Variants in SOX6 observed in about 807,000 individuals in gnomAD.
SOX6 encodes transcription factor SOX-6.
SOX6 carries 11 observed loss-of-function variants against 97.8 expected under a neutral mutation model. The ratio of observed to expected loss-of-function variants is 0.11; its 90% CI spans 0.07 to 0.19. The LOEUF is 0.19. Among genes scored for constraint, SOX6 ranks in the 10% least tolerant of loss-of-function variants. The pLI is 1.00. For synonymous variants in SOX6, 360 were observed against 371.4 expected (o/e 0.97, Z 0.35); for missense variants, 810 against 1,039.5 (o/e 0.78, Z 3.04).
chr11:16,494,297 A>C (rs1860558902), intron 4 of SOX6, among the ~76,000 whole-genome samples: 1 of 152,172 alleles, frequency 6.6e-6, no homozygotes. Context: ...AATCCCTTGA[A>C]TCCAGAAGGC....
chr11:16,382,154 G>A lies in SOX6; in HGVS notation c.-4-40902C>T, dbSNP rs1199312568. 5 of 151,960 alleles carry A rather than the reference G, an allele frequency of 3.3e-5. No homozygotes were observed. In the East Asian group the frequency reaches 9.6e-4, roughly 29 times the overall value. The allele number at this position is 151,960 out of a possible 1,614,324, so 9.4% of individuals were successfully genotyped here. A position where few individuals can be genotyped will look rare whatever the true frequency, so the allele number is the denominator to read the frequency against. ...ATTAAAGGTTCTCTGGATATCACAG[G>A]GTTGCTTCTCTCCCAACCATCATCA... On this transcript the variant is annotated intron_variant, in intron 1 of 15. Transcript: ENST00000396356.
intron 1 of SOX6, 97 bp from the exon 2 acceptor site, chr11:16,341,349 T>C: frequency 6.7e-7 from 1 of 1,492,598 alleles, no homozygotes; most frequent in Non-Finnish European, 9.0e-7. Flanking sequence ...AGGAAAGTTA[T>C]TTAACTTTAG....
chr11:16,586,332 A>G (rs1411661826), intron 4 of SOX6, among the ~76,000 whole-genome samples: 1 of 152,222 alleles, frequency 6.6e-6, no homozygotes, highest in East Asian at 1.9e-4. Context: ...AATTAAAGAA[A>G]AAAAGGAAAG....
chr11:16,368,609 T>A (rs895936779), intron 1 of SOX6, among the ~76,000 whole-genome samples: 1 of 152,102 alleles, frequency 6.6e-6, no homozygotes, highest in Non-Finnish European at 1.5e-5. Context: ...TAAAATTAAT[T>A]GAAAATGAAT....
chr11:16,271,630 T>C (rs940700226), intron 3 of SOX6, among the ~76,000 whole-genome samples: 2 of 151,568 alleles, frequency 1.3e-5, no homozygotes, highest in Non-Finnish European at 3.0e-5. Context: ...TACATTGGTT[T>C]TCAAATTTAT....
intron 4 of SOX6, among the ~76,000 whole-genome samples, chr11:16,583,638 C>CAT (rs1329710047): frequency 7.6e-5 from 8 of 104,602 alleles, no homozygotes; most frequent in Admixed American, 3.1e-4. Context: ...TATATATATA[C>CAT]ACATACACAC....
intron 1 of SOX6, among the ~76,000 whole-genome samples, chr11:16,417,247 C>T (rs1858942848): frequency 6.6e-6 from 1 of 152,172 alleles, no homozygotes; most frequent in African/African-American, 2.4e-5. Context: ...ACTGTAACTG[C>T]ATTGCCTCCT....
At chr11:16,379,855 CAGCTA>C (rs1332145938) in intron 1 of SOX6, among the ~76,000 whole-genome samples, 3 of 151,986 alleles carry the variant, frequency 2.0e-5, no homozygotes, top group Non-Finnish European at 4.4e-5. Flanking sequence ...TATAGATGAT[CAGCTA>C]AGCTATGAAA....
chr11:16,443,777 G>A (rs1859556732), intron 1 of SOX6, among the ~76,000 whole-genome samples: 1 of 152,008 alleles, frequency 6.6e-6, no homozygotes, highest in Admixed American at 6.6e-5. Context: ...CACTTTGGAA[G>A]GCCGAGGCAG....
intron 4 of SOX6, among the ~76,000 whole-genome samples, chr11:16,487,732 A>C (rs1860458471): frequency 6.6e-6 from 1 of 152,234 alleles, no homozygotes; most frequent in Admixed American, 6.5e-5. Context: ...AAATCAAGAT[A>C]AATTTAAAGG....
At chr11:16,416,594 C>T (rs145500392) in intron 1 of SOX6, among the ~76,000 whole-genome samples, 6 of 152,278 alleles carry the variant, frequency 3.9e-5, no homozygotes, top group African/African-American at 1.4e-4. Flanking sequence ...GCCAGCTAAT[C>T]TCAGAATTTG....
intron 3 of SOX6, among the ~76,000 whole-genome samples, chr11:16,641,174 A>T (rs961044397): frequency 6.6e-6 from 1 of 152,200 alleles, no homozygotes; most frequent in Non-Finnish European, 1.5e-5. Context: ...TGTACCCAGT[A>T]GTCATTCAGG....
In SOX6 at chr11:16,490,631, T is replaced by C. The variant is rs1224419102; in HGVS notation, n.610-14243A>G. Among the ~76,000 whole-genome samples the C allele has an allele frequency of 2.6e-5, 4 of 152,054 alleles. No individual in the cohort carries two copies. The South Asian group carries it at 6.2e-4, about 24-fold the overall frequency. On this transcript the variant is annotated intron_variant and non_coding_transcript_variant, in intron 4 of 5. Coordinates refer to the SOX6 transcript ENST00000524520. ...ATAATAGTAACAGTAATAGTAATGA[T>C]TAAAAAGTCAATTCATCAATAAGAT...
intron 1 of SOX6, among the ~76,000 whole-genome samples, chr11:16,361,716 G>A (rs565169245): frequency 1.3e-5 from 2 of 152,266 alleles, no homozygotes; most frequent in Admixed American, 6.5e-5. Flanking sequence ...GCTGTTTAGG[G>A]TGTCCAAGGA....
chr11:15,979,042 C>CATATATATATGTATAT (rs1849215067), intron 15 of SOX6, among the ~76,000 whole-genome samples: 1 of 107,100 alleles, frequency 9.3e-6, no homozygotes, highest in Non-Finnish European at 1.9e-5. Context: ...ATATATTTTA[C>CATATATATATGTATAT]ATATATATAT....
At chr11:16,220,648 A>G (rs138257253) in intron 4 of SOX6, among the ~76,000 whole-genome samples, 224 of 152,066 alleles carry the variant, frequency 1.5e-3, no homozygotes, top group African/African-American at 5.1e-3. Flanking sequence ...CACATATCCA[A>G]ATTCTCTTGT....
chr11:16,462,338 C>A (rs1859947331), intron 1 of SOX6, among the ~76,000 whole-genome samples: 1 of 152,220 alleles, frequency 6.6e-6, no homozygotes, highest in African/African-American at 2.4e-5. Flanking sequence ...TATTGCTTCA[C>A]ATCTGTTTCT....
At chr11:16,579,941 CAA>C (rs1848017442) in intron 4 of SOX6, among the ~76,000 whole-genome samples, 3 of 152,080 alleles carry the variant, frequency 2.0e-5, no homozygotes, top group Non-Finnish European at 4.4e-5. Context: ...TTACCCTCAC[CAA>C]CACGCAAGGC....
chr11:16,118,492 A>C lies in SOX6; in HGVS notation c.778-6569T>G, dbSNP rs539782136. On this transcript the variant is annotated intron_variant, in intron 6 of 15. Coordinates refer to ENST00000683767, the MANE Select transcript of SOX6 (RefSeq NM_001367873.1). ...TTATCCCCTTTGTTTTCTCTGTGCT[A>C]AGTTGTTGATGATGCCATTTTTTGC... Among the ~76,000 whole-genome samples, 13 of 152,350 alleles carry C rather than the reference A, an allele frequency of 8.5e-5. No individual in the cohort carries two copies. In the South Asian group the frequency reaches 2.7e-3, roughly 32 times the overall value.
Sources: gnomAD v4.1 joint callset for allele counts (sites outside exome capture counted in the v4.1 genomes callset) on GRCh38, gnomAD v4.1.1 for gene constraint, MANE v1.5 for transcripts, NCBI Gene and HGNC (gene_info 2026-07-23, HGNC 2026-07-21) for gene names.